The following LOC400499 variants were observed in gnomAD, a reference collection of about 807,000 sequenced individuals.
At chr16:11,466,729 T>A in the LOC400499 span, among the ~76,000 whole-genome samples, 1 of 152,140 alleles carries the variant, frequency 6.6e-6, no homozygotes, top group Non-Finnish European at 1.5e-5. Context: ...CTGGCTACCA[T>A]ATGGGAGAGT....
At chr16:11,424,359 C>G in the LOC400499 span, 1 of 399,704 alleles carries the variant, frequency 2.5e-6, no homozygotes, top group Non-Finnish European at 4.4e-6. Context: ...GGGAAGAGGC[C>G]AGCGGGCAGG....
chr16:11,434,293 T>G, the LOC400499 span, among the ~76,000 whole-genome samples: 1 of 152,190 alleles, frequency 6.6e-6, no homozygotes, highest in Non-Finnish European at 1.5e-5. Flanking sequence ...AGGCTAAGGC[T>G]GGGAAATTGC....
chr16:11,439,408 C>T, the LOC400499 span: 1 of 398,336 alleles, frequency 2.5e-6, no homozygotes, highest in Non-Finnish European at 4.4e-6. Context: ...TTCTTTCTGC[C>T]CATCTCCCAG....
At chr16:11,466,891 A>T in the LOC400499 span, among the ~76,000 whole-genome samples, 1 of 152,084 alleles carries the variant, frequency 6.6e-6, no homozygotes, top group Admixed American at 6.6e-5. Flanking sequence ...GTCTGAAAAG[A>T]TTGCCAAGGT....
chr16:11,391,964 G>A, the LOC400499 span: 8 of 521,452 alleles, frequency 1.5e-5, no homozygotes, highest in Admixed American at 4.4e-5. Context: ...GTCAGAGGGG[G>A]ACCTCTCCAA....
At chr16:11,484,862 G>A in the LOC400499 span, 1 of 399,028 alleles carries the variant, frequency 2.5e-6, no homozygotes, top group East Asian at 3.6e-5. Context: ...TACAGTGGGT[G>A]TGGCCACCTC....
chr16:11,409,201 C>T, the LOC400499 span, among the ~76,000 whole-genome samples: 28 of 151,796 alleles, frequency 1.8e-4, no homozygotes, highest in Admixed American at 1.4e-3. Context: ...GCGGAGGTTG[C>T]GGTGAGTCGA....
At chr16:11,384,461 C>A in the LOC400499 span, 3,239 of 439,382 alleles carry the variant, frequency 7.4e-3, 90 homozygotes, top group African/African-American at 0.059. Context: ...ACCACCTCCA[C>A]CCCGGACTCC....
chr16:11,389,984 G>A, the LOC400499 span: 1 of 550,940 alleles, frequency 1.8e-6, no homozygotes, highest in Non-Finnish European at 2.7e-6. Context: ...AACGAGGAGA[G>A]AAGAAGCCCC....
the LOC400499 span, among the ~76,000 whole-genome samples, chr16:11,377,539 A>AT: frequency 6.6e-6 from 1 of 152,222 alleles, no homozygotes; most frequent in African/African-American, 2.4e-5. Flanking sequence ...ACTTTGTTAA[A>AT]TGCTTTTTCT....
chr16:11,454,432 C>T, the LOC400499 span, among the ~76,000 whole-genome samples: 12 of 152,236 alleles, frequency 7.9e-5, no homozygotes, highest in African/African-American at 2.6e-4. Context: ...TAGGACATGC[C>T]CTTAACCCAA....
At chr16:11,384,187 A>G in the LOC400499 span, 1 of 1,222,952 alleles carries the variant, frequency 8.2e-7, no homozygotes. Flanking sequence ...CCTCAGCTGG[A>G]AGCAGGACAG....
chr16:11,507,077 G>A, the LOC400499 span, among the ~76,000 whole-genome samples: 1 of 152,168 alleles, frequency 6.6e-6, no homozygotes, highest in Non-Finnish European at 1.5e-5. Flanking sequence ...GGAGATCGAG[G>A]CCCACAGCCC....
chr16:11,498,567 GC>G, the LOC400499 span, among the ~76,000 whole-genome samples: 3 of 152,146 alleles, frequency 2.0e-5, no homozygotes, highest in South Asian at 6.2e-4. Context: ...CTCCCTGCTT[GC>G]CCCTCACTCC....
chr16:11,450,548 A>G, the LOC400499 span: 1 of 1,494,366 alleles, frequency 6.7e-7, no homozygotes, highest in Non-Finnish European at 9.0e-7. Context: ...CCGCCTCTGC[A>G]CCAGAAAAAG....
At chr16:11,416,709 T>C in the LOC400499 span, among the ~76,000 whole-genome samples, 1 of 152,032 alleles carries the variant, frequency 6.6e-6, no homozygotes, top group Non-Finnish European at 1.5e-5. Flanking sequence ...GAGGCCTCCC[T>C]GAGATGCCAT....
chr16:11,493,530 G>C, the LOC400499 span: 1 of 389,970 alleles, frequency 2.6e-6, no homozygotes, highest in Non-Finnish European at 4.5e-6. Flanking sequence ...GCCCACAGTA[G>C]GTGCTCATTA....
the LOC400499 span, among the ~76,000 whole-genome samples, chr16:11,418,658 G>T: frequency 6.6e-6 from 1 of 152,226 alleles, no homozygotes; most frequent in African/African-American, 2.4e-5. Flanking sequence ...CTCCCTTGCG[G>T]TCTGGATCGA....
the LOC400499 span, among the ~76,000 whole-genome samples, chr16:11,414,186 C>T: frequency 7.0e-4 from 107 of 152,206 alleles, no homozygotes; most frequent in Non-Finnish European, 1.4e-3. Flanking sequence ...CTGGTTATAG[C>T]GATTATGAAT....
Sources: gnomAD v4.1 joint callset for allele counts (sites outside exome capture counted in the v4.1 genomes callset) on GRCh38, gnomAD v4.1.1 for gene constraint, MANE v1.5 for transcripts.